ZNF701: variants seen among roughly 807,000 people sequenced by gnomAD.
The protein encoded by ZNF701 is zinc finger protein 701.
ZNF701 carries 6 observed loss-of-function variants against 7.1 expected under a neutral mutation model. That is an observed-to-expected ratio of 0.84 (90% CI 0.46 to 1.66). ZNF701 has a LOEUF of 1.66. Ranked by LOEUF, ZNF701 falls within the 40% of genes most tolerant of loss-of-function variation. The pLI, the probability that ZNF701 is intolerant of heterozygous loss-of-function variation, is 0.01. For missense variants in ZNF701, 541 were observed against 559.2 expected, an observed-to-expected ratio of 0.97 and a Z score of 0.33; for synonymous variants, 166 against 188.2, an observed-to-expected ratio of 0.88 and a Z score of 0.97.
At chr19:52,576,277 A>T (rs1428183117) in intron 3 of ZNF701, among the ~76,000 whole-genome samples, 16 of 152,142 alleles carry the variant, frequency 1.1e-4, no homozygotes, top group Admixed American at 1.0e-3. Flanking sequence ...GTGGTGGCTC[A>T]CACCTGTCAT....
the ZNF701 span, chr19:52,595,589 G>A: frequency 3.0e-6 from 3 of 983,764 alleles, no homozygotes; most frequent in South Asian, 3.3e-5. Context: ...TACTTAATTG[G>A]AAACCTATTG....
the ZNF701 span, among the ~76,000 whole-genome samples, chr19:52,594,904 A>G: frequency 6.6e-6 from 1 of 152,206 alleles, no homozygotes. Context: ...TTCTCTAAGC[A>G]GCAGTCACTG....
chr19:52,584,292 T>G lies in ZNF701; in HGVS notation c.*835T>G, dbSNP rs1022516413. 4 of 221,394 alleles carry G rather than the reference T, an allele frequency of 1.8e-5. No individual in the cohort carries two copies. The highest frequency in any genetic ancestry group is 5.2e-5 in the Admixed American group (1 of 19,066). The allele number at this position is 221,394 out of a possible 1,614,324, so 13.7% of individuals were successfully genotyped here. On this transcript the variant is annotated 3_prime_UTR_variant, in exon 4 of 4. Transcript: ENST00000391785. ...CTTGAGTTTGAGTTGACTTAAAACA[T>G]TCAGTTGAAGCATTAATTGACATTA... is the stretch of plus-strand genomic sequence containing the variant.
At chr19:52,573,627 C>T (rs1399150511) in intron 1 of ZNF701, among the ~76,000 whole-genome samples, 1 of 152,100 alleles carries the variant, frequency 6.6e-6, no homozygotes, top group Non-Finnish European at 1.5e-5. Context: ...TCCCCCTCAG[C>T]TTCCTAAGTA....
chr19:52,574,879 G>A (rs949090521), intron 2 of ZNF701, among the ~76,000 whole-genome samples: 10 of 152,108 alleles, frequency 6.6e-5, no homozygotes, highest in Admixed American at 6.6e-4. Context: ...AAATATGGGA[G>A]CAGTACTTGC....
At chr19:52,590,803 AG>A (rs780831079), downstream of ZNF701, among the ~76,000 whole-genome samples, 4 of 152,094 alleles carry the variant, frequency 2.6e-5, no homozygotes, top group Non-Finnish European at 1.5e-5. Context: ...TGTGATTTGT[AG>A]TGTGTACAGG....
chr19:52,576,751 A>G (rs1361871807), intron 3 of ZNF701, among the ~76,000 whole-genome samples: 2 of 152,238 alleles, frequency 1.3e-5, no homozygotes, highest in African/African-American at 2.4e-5. Flanking sequence ...CTTCTTTCCT[A>G]CAGAAATATA....
At chr19:52,596,051 A>T in the ZNF701 span, 3 of 1,387,280 alleles carry the variant, frequency 2.2e-6, no homozygotes, top group South Asian at 3.5e-5. Flanking sequence ...TAAGTATGGG[A>T]AGAATTTCCT....
chr19:52,571,233 TGAGA>T (rs3837922), intron 1 of ZNF701, among the ~76,000 whole-genome samples: 1,473 of 142,078 alleles, frequency 0.01, 16 homozygotes, highest in African/African-American at 0.034. Flanking sequence ...CTCATCAGAG[TGAGA>T]GAGAGAGAGA....
At chr19:52,571,927 G>A (rs1228191608) in intron 1 of ZNF701, among the ~76,000 whole-genome samples, 6 of 152,084 alleles carry the variant, frequency 3.9e-5, no homozygotes, top group East Asian at 1.9e-4. Flanking sequence ...GAGTTCAAGC[G>A]AGTCTCCTGC....
chr19:52,571,948 C>T (rs1323835103), intron 1 of ZNF701, among the ~76,000 whole-genome samples: 1 of 152,102 alleles, frequency 6.6e-6, no homozygotes, highest in Non-Finnish European at 1.5e-5. Context: ...CTCAGCCTCC[C>T]TAGTAGCTGG....
rs143739397 is a variant in ZNF701, at chr19:52,575,031, A to G, written c.16-864A>G. Among the ~76,000 whole-genome samples the G allele has an allele frequency of 3.4e-3, 511 of 152,198 alleles. 3 individuals are homozygous for G. The highest frequency in any genetic ancestry group is 0.01 in the Middle Eastern group (3 of 294). ...GTTGCCCAGGCTGTAGTGCAGTGGC[A>G]CGATCTCCGCTCACTGGAAGCTCCG... On this transcript the variant is annotated intron_variant, in intron 2 of 3. Coordinates refer to ENST00000391785, the MANE Select transcript of ZNF701 (RefSeq NM_018260.3).
At chr19:52,588,082 C>T (rs1444274939), downstream of ZNF701, among the ~76,000 whole-genome samples, 2 of 152,174 alleles carry the variant, frequency 1.3e-5, no homozygotes, top group African/African-American at 2.4e-5. Flanking sequence ...GTGGGATGTC[C>T]TTATGTCTGC....
At chr19:52,599,612 G>C in the ZNF701 span, among the ~76,000 whole-genome samples, 2 of 152,132 alleles carry the variant, frequency 1.3e-5, no homozygotes, top group Non-Finnish European at 2.9e-5. Context: ...TAAAAAACGT[G>C]GTGATTCTGC....
downstream of ZNF701, chr19:52,592,014 C>T (rs2060038919): frequency 3.2e-6 from 2 of 617,900 alleles, no homozygotes; most frequent in Admixed American, 2.6e-5. Flanking sequence ...TGGATCAAAT[C>T]GATACTTATT....
intron 3 of ZNF701, among the ~76,000 whole-genome samples, chr19:52,578,253 C>CAAAAAAAAAAAA (rs58385761): frequency 2.4e-5 from 1 of 40,924 alleles, no homozygotes; most frequent in Non-Finnish European, 4.7e-5. Context: ...GACTCCGTCT[C>CAAAAAAAAAAAA]AAAAAAAAAA....
chr19:52,595,562 A>T, the ZNF701 span: 3 of 759,884 alleles, frequency 3.9e-6, no homozygotes, highest in African/African-American at 3.5e-5. Flanking sequence ...GAGCCACTGC[A>T]CCTGGCCTAC....
At chr19:52,590,825 T>C (rs191136052), downstream of ZNF701, among the ~76,000 whole-genome samples, 56 of 152,268 alleles carry the variant, frequency 3.7e-4, no homozygotes, top group Non-Finnish European at 6.8e-4. Context: ...AGAGCATTAA[T>C]GGAGAAGCCT....
downstream of ZNF701, among the ~76,000 whole-genome samples, chr19:52,587,476 G>A (rs919979181): frequency 6.6e-6 from 1 of 152,168 alleles, no homozygotes; most frequent in African/African-American, 2.4e-5. Flanking sequence ...CAAGTGACAA[G>A]CAGCCTTTCT....
Sources: gnomAD v4.1 joint callset for allele counts (sites outside exome capture counted in the v4.1 genomes callset) on GRCh38, gnomAD v4.1.1 for gene constraint, MANE v1.5 for transcripts, NCBI Gene and HGNC (gene_info 2026-07-23, HGNC 2026-07-21) for gene names.